Variants in CNTNAP2 observed in about 807,000 individuals in gnomAD.
CNTNAP2 encodes contactin associated protein 2.
In CNTNAP2, 98 loss-of-function variants were observed where a neutral mutation model predicts 155.2. That is an observed-to-expected ratio of 0.63 (90% CI 0.54 to 0.75). The LOEUF (loss-of-function observed/expected upper bound fraction) is 0.75. Ranked by LOEUF, CNTNAP2 falls within the 30% of genes least tolerant of loss-of-function variation. The pLI is 0.00. For synonymous variants in CNTNAP2, 651 were observed against 631.2 expected, an observed-to-expected ratio of 1.03 and a Z score of -0.47; for missense variants, 1,727 against 1,688.1, an observed-to-expected ratio of 1.02 and a Z score of -0.40.
chr7:146,311,212 C>A lies in CNTNAP2; in HGVS notation c.97+194239C>A, dbSNP rs533852418. On this transcript the variant is annotated intron_variant, in intron 1 of 23. Coordinates refer to ENST00000361727, the MANE Select transcript of CNTNAP2 (RefSeq NM_014141.6). ...TCAAATTTTACAAATAAACATTTTT[C>A]CCTTTTAAAAAGTATATACGTCTAT... is the stretch of plus-strand genomic sequence containing the variant. Among the ~76,000 whole-genome samples, 70 of 152,214 alleles carry A rather than the reference C, an allele frequency of 4.6e-4. 1 individual carries two copies. The highest frequency in any genetic ancestry group is 1.6e-3 in the African/African-American group (66 of 41,544).
intron 4 of CNTNAP2, among the ~76,000 whole-genome samples, chr7:147,078,053 A>G (rs1007912632): frequency 6.6e-6 from 1 of 152,200 alleles, no homozygotes; most frequent in Non-Finnish European, 1.5e-5. Flanking sequence ...AAAGAGTGCC[A>G]AACATTTTAA....
At chr7:147,831,833 TGCAC>T (rs923152389) in intron 13 of CNTNAP2, 5 of 152,144 alleles carry the variant, frequency 3.3e-5, no homozygotes, top group African/African-American at 1.2e-4. Context: ...GCAAGGCCCC[TGCAC>T]AAGAATGACA....
chr7:146,469,679 G>A (rs1796765796), intron 1 of CNTNAP2, among the ~76,000 whole-genome samples: 1 of 151,118 alleles, frequency 6.6e-6, no homozygotes, highest in African/African-American at 2.4e-5. Flanking sequence ...CCTGCTACCA[G>A]GCTTGGCTAA....
chr7:146,293,488 T>A (rs1800464281), intron 1 of CNTNAP2, among the ~76,000 whole-genome samples: 1 of 152,194 alleles, frequency 6.6e-6, no homozygotes, highest in Non-Finnish European at 1.5e-5. Context: ...AACCTGTTTA[T>A]AATGAAGGAT....
intron 1 of CNTNAP2, among the ~76,000 whole-genome samples, chr7:146,122,407 A>T (rs1052015901): frequency 6.6e-6 from 1 of 152,220 alleles, no homozygotes; most frequent in Non-Finnish European, 1.5e-5. Flanking sequence ...ATACTTATAT[A>T]AAGAATGTTA....
intron 1 of CNTNAP2, among the ~76,000 whole-genome samples, chr7:146,128,933 CAG>C (rs1797676237): frequency 6.6e-6 from 1 of 151,614 alleles, no homozygotes; most frequent in Admixed American, 6.6e-5. Context: ...AAAAATGAAA[CAG>C]AAATATTTAA....
intron 1 of CNTNAP2, among the ~76,000 whole-genome samples, chr7:146,302,663 A>G (rs989743003): frequency 6.6e-6 from 1 of 152,172 alleles, no homozygotes; most frequent in African/African-American, 2.4e-5. Flanking sequence ...ACAGCACGGC[A>G]TATGGCCTCT....
chr7:147,680,926 G>T (rs1416782636), intron 13 of CNTNAP2, among the ~76,000 whole-genome samples: 1 of 151,722 alleles, frequency 6.6e-6, no homozygotes, highest in Non-Finnish European at 1.5e-5. Flanking sequence ...ACATAAGGCT[G>T]GAGTGCAATT....
intron 3 of CNTNAP2, among the ~76,000 whole-genome samples, chr7:146,902,860 A>C (rs932053875): frequency 1.3e-5 from 2 of 152,188 alleles, no homozygotes; most frequent in Non-Finnish European, 2.9e-5. Flanking sequence ...CCTCGATGAC[A>C]TGGTTTTTCC....
intron 1 of CNTNAP2, among the ~76,000 whole-genome samples, chr7:146,331,196 C>G (rs977216528): frequency 2.0e-5 from 3 of 150,032 alleles, no homozygotes; most frequent in South Asian, 2.1e-4. Context: ...CCCAGCTACT[C>G]GGGAGGCTGA....
intron 1 of CNTNAP2, among the ~76,000 whole-genome samples, chr7:146,422,587 T>C (rs1796028468): frequency 6.6e-6 from 1 of 151,980 alleles, no homozygotes; most frequent in Non-Finnish European, 1.5e-5. Flanking sequence ...AATTGCCTTA[T>C]AGCACACAAC....
chr7:147,072,617 A>G (rs1241402203), intron 4 of CNTNAP2, among the ~76,000 whole-genome samples: 2 of 152,128 alleles, frequency 1.3e-5, no homozygotes, highest in African/African-American at 4.8e-5. Flanking sequence ...ATTAGAAGGT[A>G]AAATCTACAG....
At chr7:148,322,768 TG>T (rs1308661509) in intron 21 of CNTNAP2, among the ~76,000 whole-genome samples, 24 of 148,446 alleles carry the variant, frequency 1.6e-4, no homozygotes, top group Non-Finnish European at 1.6e-4. Flanking sequence ...TAAGTAGTTT[TG>T]TTTTGTTTTG....
intron 1 of CNTNAP2, among the ~76,000 whole-genome samples, chr7:146,623,664 G>A (rs1285834899): frequency 1.3e-5 from 2 of 152,062 alleles, no homozygotes; most frequent in African/African-American, 4.8e-5. Flanking sequence ...TGACATTTTG[G>A]TTGTTTCCAG....
intron 8 of CNTNAP2, among the ~76,000 whole-genome samples, chr7:147,225,303 G>C (rs2116603725): frequency 6.6e-6 from 1 of 152,048 alleles, no homozygotes; most frequent in East Asian, 1.9e-4. Context: ...ATGTTTTTAG[G>C]GTTGCCGTTT....
At chr7:146,176,327 G>A (rs1005397090) in intron 1 of CNTNAP2, among the ~76,000 whole-genome samples, 1 of 152,126 alleles carries the variant, frequency 6.6e-6, no homozygotes, top group East Asian at 1.9e-4. Flanking sequence ...TTGCCTCTCA[G>A]TTCCTTTAGA....
intron 1 of CNTNAP2, among the ~76,000 whole-genome samples, chr7:146,512,010 G>A (rs1341902649): frequency 6.6e-6 from 1 of 151,898 alleles, no homozygotes; most frequent in Non-Finnish European, 1.5e-5. Flanking sequence ...TAAGTTGTAT[G>A]TACCTATGAA....
At chr7:146,141,755 T>G (rs896340646) in intron 1 of CNTNAP2, among the ~76,000 whole-genome samples, 3 of 152,156 alleles carry the variant, frequency 2.0e-5, no homozygotes, top group Non-Finnish European at 4.4e-5. Flanking sequence ...ATTATTACAT[T>G]TTCACTAAAG....
intron 12 of CNTNAP2, among the ~76,000 whole-genome samples, chr7:147,619,622 T>G (rs73468972): frequency 0.09 from 13,698 of 152,194 alleles, 1,711 homozygotes; most frequent in African/African-American, 0.26. Flanking sequence ...GAGTGGGAAG[T>G]GCTGCATCTT....
Sources: gnomAD v4.1 joint callset for allele counts (sites outside exome capture counted in the v4.1 genomes callset) on GRCh38, gnomAD v4.1.1 for gene constraint, MANE v1.5 for transcripts, NCBI Gene and HGNC (gene_info 2026-07-23, HGNC 2026-07-21) for gene names.